Variants in TECTB observed in about 807,000 individuals in gnomAD.
TECTB encodes the protein beta-tectorin.
Under a neutral mutation model 43.3 loss-of-function variants are expected in TECTB, and 45 were observed. That is an observed-to-expected ratio of 1.04 (90% confidence interval 0.82 to 1.33). The LOEUF is 1.33. Among genes scored for constraint, TECTB ranks in the 40% most tolerant of loss-of-function variants. TECTB has a pLI of 0.00. For synonymous variants in TECTB, 169 were observed against 156.7 expected (o/e 1.08, Z -0.59); for missense variants, 399 against 404.7 (o/e 0.99, Z 0.12).
rs201761397 is a variant in TECTB, at chr10:112,298,194, C to T, written c.797C>T (p.Thr266Met). Residue 266 changes from threonine (T) to methionine (M), a missense_variant, in exon 8 of 11, where the codon ACG becomes ATG. Physicochemically the swap from Thr to Met is moderately conservative, Grantham distance 81. Transcript: ENST00000646139. ...TCCAAGGTGTGGTTACACTGTGAGA[C>T]GTTCATCTGCGACAGTGAGAAACTC... ...KLSKVWLHCE[T>M]FICDSEKLSC... 6.0e-5 allele frequency: 97 copies of T among 1,614,192 alleles called. No individual in the cohort carries two copies. In the East Asian group the frequency reaches 9.6e-4, roughly 16 times the overall value.
At chr10:112,284,479 C>G (rs1332540063) in intron 2 of TECTB, 56 bp from the exon 3 acceptor site, 5 of 1,461,548 alleles carry the variant, frequency 3.4e-6, no homozygotes, top group Non-Finnish European at 3.7e-6. Context: ...CTGTTCGTTA[C>G]GTAGGTTAGC....
At chr10:112,302,998 G>A (rs941941031) in intron 10 of TECTB, 11 of 463,586 alleles carry the variant, frequency 2.4e-5, no homozygotes, top group South Asian at 1.4e-4. Context: ...GATTCTCATC[G>A]TTTTTAAGTT....
intron 5 of TECTB, among the ~76,000 whole-genome samples, chr10:112,289,294 A>G (rs555862064): frequency 3.9e-5 from 6 of 152,312 alleles, no homozygotes; most frequent in Admixed American, 1.3e-4. Context: ...CTTTTATTCA[A>G]TCAAAACAGT....
intron 10 of TECTB, chr10:112,303,019 A>G (rs1041752278): frequency 5.7e-5 from 29 of 508,852 alleles, no homozygotes; most frequent in Non-Finnish European, 8.4e-5. Flanking sequence ...CTACACTGAA[A>G]GCCCTAGAGT....
chr10:112,300,583 T>C (rs556161700), intron 9 of TECTB, among the ~76,000 whole-genome samples: 2 of 152,306 alleles, frequency 1.3e-5, no homozygotes, highest in Non-Finnish European at 2.9e-5. Flanking sequence ...GCTGGTGCCA[T>C]GGTTGCACAG....
intron 10 of TECTB, chr10:112,302,598 G>A (rs1381373164): frequency 2.0e-5 from 7 of 347,064 alleles, no homozygotes; most frequent in Non-Finnish European, 2.6e-5. Flanking sequence ...CATGGCTGTG[G>A]TATAGATATT....
chr10:112,284,521 T>C lies in TECTB; in HGVS notation c.77-14T>C. The C allele has an allele frequency of 6.3e-7, 1 of 1,591,982 alleles. No individual in the cohort carries two copies. Among genetic ancestry groups the C allele is most frequent in the South Asian group, 1.2e-5 (1 of 86,780 alleles). The stretch of plus-strand genomic sequence containing the variant: ...ACCCTAACTGATTTTAAACTATATG[T>C]GTGCTCTTTCCAGATGTCATTCTTG... On this transcript the variant is annotated splice_polypyrimidine_tract_variant and intron_variant, in intron 2 of 10. Transcript: ENST00000646139.
chr10:112,289,732 A>C (rs559860693), intron 5 of TECTB, among the ~76,000 whole-genome samples: 18 of 152,320 alleles, frequency 1.2e-4, no homozygotes, highest in Middle Eastern at 3.4e-3. Flanking sequence ...CTATTAAAAA[A>C]TGAAGCCCAA....
intron 9 of TECTB, 99 bp from the exon 10 acceptor site, chr10:112,302,002 C>A: frequency 1.1e-5 from 15 of 1,423,924 alleles, no homozygotes; most frequent in East Asian, 2.3e-5. Flanking sequence ...TGAGCCGCAG[C>A]CCCCAGCCAG....
rs376624315 is a variant in TECTB, at chr10:112,285,786, A to G, written c.268-285A>G. On this transcript the variant is annotated intron_variant, in intron 3 of 10. Coordinates refer to ENST00000646139, the MANE Select transcript of TECTB (RefSeq NM_058222.3). ...TGACTTTGGGAAACAGAGATTCTTG[A>G]GCCAGTTCTTTTTGGTCAGAAGCCC... Among the ~76,000 whole-genome samples, 92 of 152,332 alleles carry G rather than the reference A, an allele frequency of 6.0e-4. 2 individuals are homozygous for G. The South Asian group carries it at 0.018, about 30-fold the overall frequency.
rs114213919 is a variant in TECTB at position 112,292,155 on chromosome 10, G to C, written c.484-1583G>C. On this transcript the variant is annotated intron_variant, in intron 5 of 10. Transcript: ENST00000646139. ...CATCTCAAAAAAAAAAAAAAAGAAA[G>C]AAAGAAAGCTAATCCACAGAGCAGT... is the stretch of plus-strand genomic sequence containing the variant. 4.0e-3 allele frequency among the ~76,000 whole-genome samples: 604 copies of C among 150,100 alleles called. 7 individuals are homozygous for C. The highest frequency in any genetic ancestry group is 0.014 in the African/African-American group (580 of 41,074).
intron 5 of TECTB, among the ~76,000 whole-genome samples, chr10:112,293,491 A>G (rs539640047): frequency 1.3e-5 from 2 of 152,384 alleles, no homozygotes; most frequent in South Asian, 2.1e-4. Context: ...TGAGACATAC[A>G]GTGTGTGTCT....
intron 1 of TECTB, 35 bp from the exon 2 acceptor site, chr10:112,283,613 T>C (rs41313475): frequency 0.14 from 124,719 of 876,408 alleles, 9,919 homozygotes; most frequent in East Asian, 0.23. Flanking sequence ...TGTTCTTCCC[T>C]TGATTTTAAC....
intron 7 of TECTB, among the ~76,000 whole-genome samples, chr10:112,295,473 A>C (rs1350000770): frequency 6.6e-6 from 1 of 152,218 alleles, no homozygotes; most frequent in Non-Finnish European, 1.5e-5. Context: ...TAGTAAGGAG[A>C]AGGCCTGGGA....
At position 112,293,960 on chromosome 10, in the gene TECTB, ATTTTG is replaced by A. The variant is rs1324098935; in HGVS notation, c.588-13_588-9del. ...AGATTCTCTGTTTCAAAGTGATGCC[ATTTTG>A]TTTTATTTCCAGGTTTAAAGTGGTC... On this transcript the variant is annotated splice_polypyrimidine_tract_variant and intron_variant, in intron 6 of 10. Transcript: ENST00000646139. 6.2e-7 allele frequency: 1 copy of A among 1,613,836 alleles called. No individual in the cohort carries two copies. The highest frequency in any genetic ancestry group is 1.3e-5 in the African/African-American group (1 of 75,046).
rs569812071 is a variant in TECTB at position 112,285,043 on chromosome 10, T to C, written c.267+318T>C. Among the ~76,000 whole-genome samples the C allele has an allele frequency of 9.9e-5, 15 of 152,262 alleles. No individual in the cohort carries two copies. The South Asian group carries it at 2.7e-3, about 27-fold the overall frequency. ...CTCACAAGCCGCCATCCTTCCTAGA[T>C]TGGATGGGTGGATGGATGAGCCATT... On this transcript the variant is annotated intron_variant, in intron 3 of 10. Transcript: ENST00000646139.
chr10:112,293,611 A>G (rs189895279), intron 5 of TECTB, 127 bp from the exon 6 acceptor site: 257 of 757,056 alleles, frequency 3.4e-4, no homozygotes, highest in Non-Finnish European at 2.3e-4. Context: ...GGATCACTCT[A>G]TGGTCTCACC....
Position 112,283,778 on chromosome 10 carries a change from C to G in TECTB, c.44C>G (p.Ala15Gly). The G allele has an allele frequency of 1.2e-6, 2 of 1,613,936 alleles. No homozygotes were observed. The highest frequency in any genetic ancestry group is 1.7e-6 in the Non-Finnish European group (2 of 1,179,922). ...AFVLLAIFAE[A>G]SAKSCAPNKA... ...GTCTTGTTGGCCATCTTTGCAGAAG[C>G]CTCTGCAAAATCGTGTGCTCCAAAT... Residue 15 changes from alanine to glycine, a missense_variant, in exon 2 of 11, where the codon GCC (alanine) becomes GGC (glycine). Coordinates refer to ENST00000646139, the MANE Select transcript of TECTB (RefSeq NM_058222.3).
chr10:112,297,924 A>G, intron 7 of TECTB, 145 bp from the exon 8 acceptor site: 8 of 1,019,030 alleles, frequency 7.9e-6, no homozygotes. Context: ...AGTTGTGAAG[A>G]TCAAGTGAGG....
Sources: gnomAD v4.1 joint callset for allele counts (sites outside exome capture counted in the v4.1 genomes callset) on GRCh38, gnomAD v4.1.1 for gene constraint, MANE v1.5 for transcripts, NCBI Gene and HGNC (gene_info 2026-07-23, HGNC 2026-07-21) for gene names.